The following TMEM117 variants were observed in gnomAD, a reference collection of about 807,000 sequenced individuals.
The protein encoded by TMEM117 is transmembrane protein 117.
TMEM117 carries 27 observed loss-of-function variants against 52.4 expected under a neutral mutation model. That is an observed-to-expected ratio of 0.51 (90% CI 0.38 to 0.71). TMEM117 has a LOEUF of 0.71. TMEM117 is among the 30% of genes least tolerant of loss of function. TMEM117 has a pLI of 0.00. For missense variants in TMEM117, 556 were observed against 630.5 expected (o/e 0.88, Z 1.26); for synonymous variants, 215 against 206.3 (o/e 1.04, Z -0.36).
chr12:43,962,907 G>A (rs939821586), intron 3 of TMEM117, among the ~76,000 whole-genome samples: 1 of 151,446 alleles, frequency 6.6e-6, no homozygotes, highest in African/African-American at 2.4e-5. Context: ...CAGCCTGGGT[G>A]ACAGAGCAAG....
intron 1 of TMEM117, among the ~76,000 whole-genome samples, chr12:43,839,103 A>G (rs1174208052): frequency 1.3e-5 from 2 of 152,122 alleles, no homozygotes; most frequent in East Asian, 1.9e-4. Context: ...TTATTTTTGA[A>G]TGTGTCCAGA....
At chr12:44,126,357 T>A (rs1657307069) in intron 3 of TMEM117, among the ~76,000 whole-genome samples, 1 of 152,214 alleles carries the variant, frequency 6.6e-6, no homozygotes, top group African/African-American at 2.4e-5. Context: ...AATGCTTGGT[T>A]TAGTTTGATA....
chr12:43,815,362 T>G, the TMEM117 span, among the ~76,000 whole-genome samples: 1 of 152,212 alleles, frequency 6.6e-6, no homozygotes, highest in Non-Finnish European at 1.5e-5. Context: ...TGGCAAGAGC[T>G]GTTTAGGAAG....
chr12:43,811,735 A>T, the TMEM117 span, among the ~76,000 whole-genome samples: 1 of 152,236 alleles, frequency 6.6e-6, no homozygotes, highest in South Asian at 2.1e-4. Context: ...CAAAGGACAC[A>T]TATAGTTTTA....
intron 6 of TMEM117, among the ~76,000 whole-genome samples, chr12:44,372,378 C>T (rs1483519409): frequency 6.6e-6 from 1 of 152,062 alleles, no homozygotes; most frequent in African/African-American, 2.4e-5. Context: ...CATAACACTT[C>T]TATACAATCT....
In TMEM117 at chr12:44,218,229, AC is replaced by A. The variant is rs767116266; in HGVS notation, c.608+6843del. On this transcript the variant is annotated intron_variant, in intron 5 of 7. Transcript: ENST00000266534. ...ACAGAGTAAGGCTCCGTCAAAAAAA[AC>A]AAAAAACAAAAAACTAGCAAACCAA... 4.5e-4 allele frequency among the ~76,000 whole-genome samples: 69 copies of A among 151,670 alleles called. 1 individual carries two copies. Among genetic ancestry groups the A allele is most frequent in the Middle Eastern group, 3.4e-3 (1 of 294 alleles).
At chr12:44,208,761 C>T (rs1359072328) in intron 4 of TMEM117, among the ~76,000 whole-genome samples, 1 of 111,942 alleles carries the variant, frequency 8.9e-6, no homozygotes, top group Non-Finnish European at 1.8e-5. Context: ...TTCATCTAAC[C>T]ATTTTCCTGA....
chr12:44,046,299 GCTC>G (rs1163395975), intron 3 of TMEM117, among the ~76,000 whole-genome samples: 1 of 152,166 alleles, frequency 6.6e-6, no homozygotes, highest in East Asian at 1.9e-4. Context: ...GACACTTTGG[GCTC>G]CTCCTGCCTT....
intron 5 of TMEM117, among the ~76,000 whole-genome samples, chr12:44,224,185 C>T (rs1248846494): frequency 2.0e-5 from 3 of 152,062 alleles, no homozygotes; most frequent in Non-Finnish European, 4.4e-5. Context: ...TGCACACACC[C>T]AAGCATGCAC....
chr12:43,925,120 G>A (rs1364201813), intron 2 of TMEM117, among the ~76,000 whole-genome samples: 1 of 152,046 alleles, frequency 6.6e-6, no homozygotes, highest in Non-Finnish European at 1.5e-5. Flanking sequence ...TCGAGAGAGG[G>A]ACCACGGTGG....
At chr12:43,864,790 A>C (rs182320017) in intron 2 of TMEM117, among the ~76,000 whole-genome samples, 125 of 152,020 alleles carry the variant, frequency 8.2e-4, no homozygotes, top group African/African-American at 1.3e-3. Flanking sequence ...TGCTGGAGCC[A>C]GCAGGGGGTC....
At chr12:44,188,118 A>G (rs1949302294) in intron 4 of TMEM117, among the ~76,000 whole-genome samples, 1 of 152,108 alleles carries the variant, frequency 6.6e-6, no homozygotes, top group Admixed American at 6.6e-5. Context: ...AGACTTAAAG[A>G]TCACATTAAA....
At chr12:44,289,493 A>C (rs575387541) in intron 5 of TMEM117, among the ~76,000 whole-genome samples, 88 of 150,318 alleles carry the variant, frequency 5.9e-4, no homozygotes, top group Non-Finnish European at 1.2e-3. Context: ...TGCTGAATCA[A>C]TTTACATTAC....
intron 2 of TMEM117, among the ~76,000 whole-genome samples, chr12:43,901,789 A>T (rs1244806352): frequency 6.6e-6 from 1 of 152,226 alleles, no homozygotes; most frequent in Non-Finnish European, 1.5e-5. Context: ...AAAAGAAAGG[A>T]AGTAAAATAT....
At chr12:43,945,680 G>A (rs1945120516) in intron 3 of TMEM117, among the ~76,000 whole-genome samples, 1 of 152,202 alleles carries the variant, frequency 6.6e-6, no homozygotes, top group Admixed American at 6.5e-5. Context: ...ATTAAAATTA[G>A]ATTTGTGACA....
At chr12:43,968,448 A>G (rs1466593686) in intron 3 of TMEM117, among the ~76,000 whole-genome samples, 4 of 152,344 alleles carry the variant, frequency 2.6e-5, no homozygotes, top group East Asian at 3.9e-4. Flanking sequence ...GAGTTCATCA[A>G]ATTTCTTCTG....
Position 43,927,781 on chromosome 12 carries a change from C to A in TMEM117, c.278-16429C>A, listed in dbSNP as rs1944803635. Among the ~76,000 whole-genome samples the A allele has an allele frequency of 2.0e-5, 3 of 151,998 alleles. No homozygotes were observed. The South Asian group carries it at 6.2e-4, about 31-fold the overall frequency. The stretch of plus-strand genomic sequence containing the variant: ...TATATAATTTTACAGCCTATTACTT[C>A]CAACACTTCTGCATTCTTAGTCATA... On this transcript the variant is annotated intron_variant, in intron 2 of 7. Transcript: ENST00000266534.
At chr12:44,348,268 GAAAA>G (rs34586739) in intron 6 of TMEM117, among the ~76,000 whole-genome samples, 1 of 146,292 alleles carries the variant, frequency 6.8e-6, no homozygotes. Context: ...CTTTAAGAAT[GAAAA>G]AAAAAAAAGA....
At chr12:44,182,195 C>T (rs1949210862) in intron 4 of TMEM117, among the ~76,000 whole-genome samples, 1 of 152,078 alleles carries the variant, frequency 6.6e-6, no homozygotes, top group South Asian at 2.1e-4. Context: ...GATTTTTGTA[C>T]CTTGATTTTG....
Sources: gnomAD v4.1 joint callset for allele counts (sites outside exome capture counted in the v4.1 genomes callset) on GRCh38, gnomAD v4.1.1 for gene constraint, MANE v1.5 for transcripts, NCBI Gene and HGNC (gene_info 2026-07-23, HGNC 2026-07-21) for gene names.